WLS: variants seen among roughly 807,000 people sequenced by gnomAD.
WLS encodes the protein protein wntless homolog.
WLS carries 23 observed loss-of-function variants against 62.8 expected under a neutral mutation model. The ratio of observed to expected loss-of-function variants is 0.37; its 90% CI spans 0.26 to 0.52. The LOEUF (loss-of-function observed/expected upper bound fraction) is 0.52, where lower values mean the gene tolerates loss of function less well. WLS is among the 20% of genes least tolerant of loss of function. The pLI is 0.92. For synonymous variants in WLS, 246 were observed against 244.1 expected (o/e 1.01, Z -0.07); for missense variants, 615 against 697.3 (o/e 0.88, Z 1.33).
At chr1:68,168,114 G>C (rs544385701) in intron 2 of WLS, among the ~76,000 whole-genome samples, 1 of 152,102 alleles carries the variant, frequency 6.6e-6, no homozygotes, top group Non-Finnish European at 1.5e-5. Context: ...TGGTGGGAGG[G>C]GGGTGCTAGA....
chr1:68,228,213 A>ATACT, intron 1 of WLS: 1 of 433,246 alleles, frequency 2.3e-6, no homozygotes, highest in East Asian at 7.1e-5. Context: ...TGATTTGTTG[A>ATACT]TACTTACAGT....
intron 10 of WLS, among the ~76,000 whole-genome samples, chr1:68,141,065 A>T (rs955599308): frequency 6.7e-6 from 1 of 150,326 alleles, no homozygotes; most frequent in East Asian, 2.0e-4. Context: ...CTGATTTTAC[A>T]TTTGAACAAT....
chr1:68,154,717 A>G (rs1250309149), intron 4 of WLS, among the ~76,000 whole-genome samples: 1 of 152,210 alleles, frequency 6.6e-6, no homozygotes, highest in African/African-American at 2.4e-5. Flanking sequence ...CTTTTCCCCA[A>G]TTAAACAAAT....
intron 2 of WLS, among the ~76,000 whole-genome samples, chr1:68,163,301 A>G (rs1647010935): frequency 6.6e-6 from 1 of 152,202 alleles, no homozygotes. Flanking sequence ...AAAACCATTT[A>G]AGGTGATGAA....
chr1:68,191,849 TTC>T (rs1188318557), intron 2 of WLS, among the ~76,000 whole-genome samples: 1 of 152,140 alleles, frequency 6.6e-6, no homozygotes, highest in African/African-American at 2.4e-5. Context: ...CACCAGGCTT[TTC>T]TCTCTTTAAC....
chr1:68,191,658 C>A (rs1332705913), intron 2 of WLS, among the ~76,000 whole-genome samples: 1 of 152,114 alleles, frequency 6.6e-6, no homozygotes, highest in African/African-American at 2.4e-5. Flanking sequence ...TAAATGAACT[C>A]ATGAATAAAT....
At chr1:68,207,000 C>T (rs1649308842) in intron 1 of WLS, among the ~76,000 whole-genome samples, 2 of 152,150 alleles carry the variant, frequency 1.3e-5, no homozygotes, top group Admixed American at 6.5e-5. Flanking sequence ...GTCCTATTCT[C>T]GTTCTGTTAC....
chr1:68,220,530 T>C (rs554650735), intron 1 of WLS, among the ~76,000 whole-genome samples: 1 of 152,278 alleles, frequency 6.6e-6, no homozygotes, highest in South Asian at 2.1e-4. Flanking sequence ...ACAAAGCAAG[T>C]TTGATAACAA....
intron 11 of WLS, among the ~76,000 whole-genome samples, chr1:68,132,779 A>G (rs1189338522): frequency 6.6e-6 from 1 of 152,230 alleles, no homozygotes; most frequent in East Asian, 1.9e-4. Context: ...AATCAAAAGA[A>G]CACAAAAATC....
intron 11 of WLS, among the ~76,000 whole-genome samples, chr1:68,136,490 CT>C (rs1211414041): frequency 6.6e-6 from 1 of 152,110 alleles, no homozygotes; most frequent in African/African-American, 2.4e-5. Flanking sequence ...GCCAAATGAT[CT>C]AATAATTCTG....
rs140587182 is a variant in WLS at position 68,175,575 on chromosome 1, T to A, written c.380-16328A>T. Among the ~76,000 whole-genome samples, 1,052 of 152,340 alleles carry A rather than the reference T, an allele frequency of 6.9e-3. 8 individuals are homozygous for A. The highest frequency in any genetic ancestry group is 0.014 in the South Asian group (66 of 4,832). ...GATCCTTTCTAGTTCTAATATTTCATGAATGTAGAAATCTAAAACACCTCC... is the reference window on the plus strand; with the variant it reads ...GATCCTTTCTAGTTCTAATATTTCAAGAATGTAGAAATCTAAAACACCTCC... On this transcript the variant is annotated intron_variant, in intron 2 of 11. Transcript: ENST00000262348.
chr1:68,152,960 C>T (rs1005833332), intron 5 of WLS, among the ~76,000 whole-genome samples: 2 of 152,158 alleles, frequency 1.3e-5, no homozygotes, highest in African/African-American at 4.8e-5. Context: ...ACGGAATATC[C>T]CGAAGAGCAA....
intron 1 of WLS, among the ~76,000 whole-genome samples, chr1:68,227,637 TA>T (rs939589150): frequency 1.3e-5 from 2 of 152,050 alleles, no homozygotes; most frequent in Non-Finnish European, 2.9e-5. Flanking sequence ...CAAACCACAT[TA>T]GATACTTCTA....
At chr1:68,122,964 G>A, downstream of WLS, among the ~76,000 whole-genome samples, 1 of 152,174 alleles carries the variant, frequency 6.6e-6, no homozygotes, top group Admixed American at 6.5e-5. Flanking sequence ...CTCCTTCGAT[G>A]CTAACTCATC....
chr1:68,126,367 C>G lies in WLS; in HGVS notation c.1517-32G>C, dbSNP rs1420887012. On this transcript the variant is annotated intron_variant, in intron 11 of 11. Transcript: ENST00000262348. The stretch of plus-strand genomic sequence containing the variant: ...CAGGGTTTTCGGTGTTAGATGCATT[C>G]AAGGAGGAAGGAGAAGCAAGCTGGG... 6 of 1,613,064 alleles carry G rather than the reference C, an allele frequency of 3.7e-6. No homozygotes were observed. In the East Asian group the frequency reaches 1.3e-4, roughly 36 times the overall value.
At chr1:68,165,037 G>A (rs1257896687) in intron 2 of WLS, among the ~76,000 whole-genome samples, 2 of 152,138 alleles carry the variant, frequency 1.3e-5, no homozygotes, top group Non-Finnish European at 2.9e-5. Flanking sequence ...GAGCTCCCAT[G>A]GAGTCAAATC....
At chr1:68,231,424 C>G (rs946141223) in intron 1 of WLS, among the ~76,000 whole-genome samples, 3 of 152,030 alleles carry the variant, frequency 2.0e-5, no homozygotes, top group African/African-American at 7.2e-5. Flanking sequence ...TCTCGGGGCT[C>G]TAAGTAGTGG....
At chr1:68,177,180 C>CA (rs1647294309) in intron 2 of WLS, among the ~76,000 whole-genome samples, 1 of 152,176 alleles carries the variant, frequency 6.6e-6, no homozygotes, top group East Asian at 1.9e-4. Context: ...GGACTTTATC[C>CA]AATTGCTTCA....
intron 2 of WLS, among the ~76,000 whole-genome samples, chr1:68,164,959 C>T (rs1169390990): frequency 6.6e-6 from 1 of 152,168 alleles, no homozygotes; most frequent in Non-Finnish European, 1.5e-5. Context: ...TCCCCTTGGT[C>T]AGGGACCAAG....
Sources: allele counts gnomAD v4.1 joint callset (sites outside exome capture counted in the v4.1 genomes callset), GRCh38; gene constraint gnomAD v4.1.1; transcripts MANE v1.5; gene names NCBI Gene and HGNC (gene_info 2026-07-23, HGNC 2026-07-21).